Variants in TRABD2B observed in about 807,000 individuals in gnomAD.
TRABD2B encodes the protein TraB domain containing 2B.
A neutral mutation model predicts 40.1 loss-of-function variants in TRABD2B; 14 were observed. The observed-to-expected ratio is 0.35, with a 90% CI of 0.23 to 0.55. TRABD2B has a LOEUF of 0.55. Ranked by LOEUF, TRABD2B falls within the 20% of genes least tolerant of loss-of-function variation. TRABD2B has a pLI of 0.90. For synonymous variants in TRABD2B, 263 were observed against 277.0 expected (o/e 0.95, Z 0.50); for missense variants, 541 against 648.6 (o/e 0.83, Z 1.80).
intron 2 of TRABD2B, among the ~76,000 whole-genome samples, chr1:47,861,189 G>A (rs1643962570): frequency 6.6e-6 from 1 of 152,074 alleles, no homozygotes; most frequent in African/African-American, 2.4e-5. Context: ...CTATAGCAGT[G>A]GTTCTCAAAC....
chr1:47,816,221 T>C (rs955815558), intron 2 of TRABD2B, among the ~76,000 whole-genome samples: 11 of 152,202 alleles, frequency 7.2e-5, no homozygotes, highest in African/African-American at 2.7e-4. Flanking sequence ...GGGCTGCATC[T>C]TGAATCCTGA....
intron 2 of TRABD2B, among the ~76,000 whole-genome samples, chr1:47,830,222 G>A (rs1372246566): frequency 2.0e-5 from 3 of 152,262 alleles, no homozygotes; most frequent in South Asian, 2.1e-4. Flanking sequence ...CCCTTGCCCC[G>A]TTCCCAGCCC....
intron 2 of TRABD2B, among the ~76,000 whole-genome samples, chr1:47,921,616 T>G (rs1201643386): frequency 2.0e-5 from 3 of 152,234 alleles, no homozygotes; most frequent in African/African-American, 7.2e-5. Flanking sequence ...GCAAAAATGC[T>G]TCTGAGAATC....
intron 2 of TRABD2B, among the ~76,000 whole-genome samples, chr1:47,875,220 G>A (rs925260219): frequency 6.6e-6 from 1 of 151,840 alleles, no homozygotes; most frequent in East Asian, 1.9e-4. Flanking sequence ...TTAAAAGCAT[G>A]TTAGCACTCC....
intron 2 of TRABD2B, among the ~76,000 whole-genome samples, chr1:47,830,861 CTG>C (rs1490084161): frequency 6.6e-6 from 1 of 152,144 alleles, no homozygotes; most frequent in Non-Finnish European, 1.5e-5. Context: ...TCTCTGTTCT[CTG>C]TATTATATAT....
At chr1:47,928,400 A>G (rs980505941) in intron 2 of TRABD2B, among the ~76,000 whole-genome samples, 2 of 152,260 alleles carry the variant, frequency 1.3e-5, no homozygotes, top group African/African-American at 4.8e-5. Flanking sequence ...GAGGATTAAA[A>G]TGAGATGATG....
intron 2 of TRABD2B, among the ~76,000 whole-genome samples, chr1:47,955,320 C>A (rs1645403130): frequency 6.6e-6 from 1 of 152,218 alleles, no homozygotes; most frequent in African/African-American, 2.4e-5. Flanking sequence ...CCTTCCACCA[C>A]CTCTCCCAAA....
At chr1:47,914,690 C>T (rs1212491754) in intron 2 of TRABD2B, among the ~76,000 whole-genome samples, 1 of 152,220 alleles carries the variant, frequency 6.6e-6, no homozygotes, top group African/African-American at 2.4e-5. Context: ...TGGACCCGGC[C>T]CCCTCCATAG....
chr1:47,824,236 A>G (rs1038559783), intron 2 of TRABD2B, among the ~76,000 whole-genome samples: 17 of 152,134 alleles, frequency 1.1e-4, no homozygotes, highest in Non-Finnish European at 2.1e-4. Context: ...TGGAGAAGGC[A>G]GTGTCTGGGC....
chr1:47,869,581 T>TTCGCCAAG (rs1330909697), intron 2 of TRABD2B, among the ~76,000 whole-genome samples: 1 of 152,204 alleles, frequency 6.6e-6, no homozygotes, highest in African/African-American at 2.4e-5. Flanking sequence ...TAAGGACTGG[T>TTCGCCAAG]TCGCCAAGTC....
chr1:47,969,205 C>G (rs749427132), intron 2 of TRABD2B, among the ~76,000 whole-genome samples: 2 of 152,198 alleles, frequency 1.3e-5, no homozygotes, highest in Non-Finnish European at 2.9e-5. Context: ...GTTTGGTTTT[C>G]TTTTGCAAGT....
At chr1:47,817,666 C>A (rs1007420948) in intron 2 of TRABD2B, among the ~76,000 whole-genome samples, 2 of 152,160 alleles carry the variant, frequency 1.3e-5, no homozygotes, top group Admixed American at 6.5e-5. Flanking sequence ...CCAACTCCAC[C>A]CAGCCTGCTC....
rs577843181 is a variant in TRABD2B, at chr1:47,915,530, G to A, written c.666+78504C>T. Among the ~76,000 whole-genome samples, 6 of 152,292 alleles carry A rather than the reference G, an allele frequency of 3.9e-5. No individual in the cohort carries two copies. The South Asian group carries it at 1.2e-3, about 32-fold the overall frequency. ...CTTTACTGACCCATTTTACAGATGA[G>A]TAAAGTAAAGTTCCAAGAGGAAAAT... On this transcript the variant is annotated intron_variant, in intron 2 of 6. Transcript: ENST00000606738.
At chr1:47,795,477 G>C (rs552366713) in intron 3 of TRABD2B, among the ~76,000 whole-genome samples, 199 of 152,258 alleles carry the variant, frequency 1.3e-3, no homozygotes, top group Non-Finnish European at 2.0e-3. Context: ...GGATGTGCAG[G>C]GTCAGTTGAG....
intron 2 of TRABD2B, among the ~76,000 whole-genome samples, chr1:47,990,184 A>G (rs1392690647): frequency 3.3e-5 from 5 of 152,240 alleles, no homozygotes; most frequent in African/African-American, 1.2e-4. Context: ...TAATGCTCAC[A>G]TGCTTGGTAA....
At chr1:47,785,461 G>A (rs1644583196) in intron 4 of TRABD2B, among the ~76,000 whole-genome samples, 2 of 152,222 alleles carry the variant, frequency 1.3e-5, no homozygotes, top group Admixed American at 6.5e-5. Flanking sequence ...CTGTTAGAAC[G>A]CAGGACGTCA....
At chr1:47,916,075 A>G (rs1274453281) in intron 2 of TRABD2B, among the ~76,000 whole-genome samples, 1 of 150,086 alleles carries the variant, frequency 6.7e-6, no homozygotes, top group Non-Finnish European at 1.5e-5. Context: ...CCTAAAGGGG[A>G]CAAGAGAGGG....
At chr1:47,834,464 C>G (rs1388601487) in intron 2 of TRABD2B, among the ~76,000 whole-genome samples, 2 of 152,108 alleles carry the variant, frequency 1.3e-5, no homozygotes, top group Non-Finnish European at 2.9e-5. Flanking sequence ...TGAGAAGGCT[C>G]TAAGCTCTCA....
At chr1:47,847,127 C>T (rs972126346) in intron 2 of TRABD2B, among the ~76,000 whole-genome samples, 4 of 152,286 alleles carry the variant, frequency 2.6e-5, no homozygotes, top group Admixed American at 2.0e-4. Flanking sequence ...ACTGCTCCTT[C>T]TTGGGGGAAC....
Sources: gnomAD v4.1 joint callset for allele counts (sites outside exome capture counted in the v4.1 genomes callset) on GRCh38, gnomAD v4.1.1 for gene constraint, MANE v1.5 for transcripts, NCBI Gene and HGNC (gene_info 2026-07-23, HGNC 2026-07-21) for gene names.